Variants in ANKRD61 observed in about 807,000 individuals in gnomAD.
ANKRD61 encodes ankyrin repeat domain 61.
Under a neutral mutation model 8.4 loss-of-function variants are expected in ANKRD61, and 7 were observed. The observed-to-expected ratio is 0.84, with a 90% CI of 0.48 to 1.57. The LOEUF (loss-of-function observed/expected upper bound fraction) is 1.57, where lower values mean the gene tolerates loss of function less well. Among genes scored for constraint, ANKRD61 ranks in the 40% most tolerant of loss-of-function variants. The pLI is 0.00. For synonymous variants in ANKRD61, 198 were observed against 208.0 expected (o/e 0.95, Z 0.41); for missense variants, 516 against 523.4 (o/e 0.99, Z 0.14).
Position 6,033,299 on chromosome 7 carries a change from T to C in ANKRD61, c.314+363T>C, listed in dbSNP as rs1424863227. On this transcript the variant is annotated intron_variant, in intron 2 of 2. Coordinates refer to ENST00000409061, the MANE Select transcript of ANKRD61 (RefSeq NM_001271700.2). This position sits in a 1 kb window ranked among gnomAD's most constrained non-coding sequence, Gnocchi z 4.4. ...TGACAATCATTTCTAAGTGAGGATA[T>C]ACCTGATATAGATTTTTTTTTCAGT... Among the ~76,000 whole-genome samples the C allele has an allele frequency of 6.6e-6, 1 of 152,206 alleles. No homozygotes were observed. Among genetic ancestry groups the C allele is most frequent in the Non-Finnish European group, 1.5e-5 (1 of 68,040 alleles).
rs891477855 is a variant in ANKRD61 at position 6,035,827 on chromosome 7, C to G, written c.698C>G (p.Ser233Cys). 2 of 1,549,312 alleles carry G rather than the reference C, an allele frequency of 1.3e-6. No individual in the cohort carries two copies. The highest frequency in any genetic ancestry group is 2.7e-5 in the African/African-American group (2 of 73,020). ...YGANVNCAVS[S>C]TGNTPLKLAV... is the part of the protein sequence containing the mutation. ...GCAAACGTCAACTGTGCTGTCTCTT[C>G]CACGGGGAACACGCCCCTGAAGCTT... The change falls in exon 3 of 3, where the codon TCC becomes TGC. Residue 233 changes from serine to cysteine, a missense_variant. Physicochemically the swap from Ser to Cys is moderately radical, Grantham distance 112. Coordinates refer to ENST00000409061, the MANE Select transcript of ANKRD61 (RefSeq NM_001271700.2). The surrounding 1 kb of genome is among the most constrained non-coding windows in gnomAD (Gnocchi z 5.5).
At position 6,036,008 on chromosome 7, in the gene ANKRD61, C is replaced by T. The variant is rs1788074242; in HGVS notation, c.879C>T (p.Ile293=). 6.4e-7 allele frequency: 1 copy of T among 1,550,950 alleles called. No individual in the cohort carries two copies. Among genetic ancestry groups the T allele is most frequent in the African/African-American group, 1.4e-5 (1 of 73,006 alleles). ...CATGCTTTGGAGGCAGAGAGGCAAT[C>T]ATCAATCTCCTGCTTGAATTTGAAG... The part of the protein sequence containing the change: ...HEACFGGREA[I]INLLLEFEAN... The change falls in exon 3 of 3, where the codon ATC becomes ATT. Residue 293 remains isoleucine (I), a synonymous_variant. Coordinates refer to ENST00000409061, the MANE Select transcript of ANKRD61 (RefSeq NM_001271700.2). This position sits in a 1 kb window ranked among gnomAD's most constrained non-coding sequence, Gnocchi z 4.6.
chr7:6,035,559 A>G lies in ANKRD61; in HGVS notation c.430A>G (p.Ser144Gly), dbSNP rs1788053578. ...THRILTDIQNSSITCLRILCA... is the reference protein window; with the variant it reads ...THRILTDIQNGSITCLRILCA... ...CAGGATCCTGACAGACATTCAGAAT[A>G]GCAGCATCACATGTCTCCGCATCTT... The change falls in exon 3 of 3, where the codon AGC becomes GGC. Residue 144 changes from serine to glycine, a missense_variant. By Grantham distance (56) the Ser-to-Gly change is moderately conservative (BLOSUM62 0). Transcript: ENST00000409061. This position sits in a 1 kb window ranked among gnomAD's most constrained non-coding sequence, Gnocchi z 5.5. 6.4e-7 allele frequency: 1 copy of G among 1,551,264 alleles called. No homozygotes were observed. Among genetic ancestry groups the G allele is most frequent in the Non-Finnish European group, 8.7e-7 (1 of 1,147,140 alleles).
At position 6,035,837 on chromosome 7, in the gene ANKRD61, C is replaced by T. The variant is rs1335234338; in HGVS notation, c.708C>T (p.Asn236=). 1 of 1,548,748 alleles carries T rather than the reference C, an allele frequency of 6.5e-7. No homozygotes were observed. Among genetic ancestry groups the T allele is most frequent in the Non-Finnish European group, 8.7e-7 (1 of 1,145,516 alleles). The part of the protein sequence containing the change: ...NVNCAVSSTG[N]TPLKLAVCTA... ...ACTGTGCTGTCTCTTCCACGGGGAA[C>T]ACGCCCCTGAAGCTTGCAGTGTGCA... Residue 236 remains asparagine (N), a synonymous_variant, in exon 3 of 3, where the codon AAC becomes AAT. Coordinates refer to ENST00000409061, the MANE Select transcript of ANKRD61 (RefSeq NM_001271700.2). The surrounding 1 kb of genome is among the most constrained non-coding windows in gnomAD (Gnocchi z 5.5).
In ANKRD61 at chr7:6,035,813, C is replaced by T. The variant is rs138987807; in HGVS notation, c.684C>T (p.Asn228=). Residue 228 remains asparagine, a synonymous_variant, in exon 3 of 3, where the codon AAC becomes AAT. Coordinates refer to ENST00000409061, the MANE Select transcript of ANKRD61 (RefSeq NM_001271700.2). The surrounding 1 kb of genome is among the most constrained non-coding windows in gnomAD (Gnocchi z 5.5). ...ETLIAYGANV[N]CAVSSTGNTP... ...TCATTGCCTATGGAGCAAACGTCAA[C>T]TGTGCTGTCTCTTCCACGGGGAACA... The T allele has an allele frequency of 3.0e-3, 4,682 of 1,550,174 alleles. 21 individuals are homozygous for T. The highest frequency in any genetic ancestry group is 3.5e-3 in the Non-Finnish European group (3,978 of 1,146,350).
intron 2 of ANKRD61, among the ~76,000 whole-genome samples, chr7:6,034,850 G>C (rs1414492338): frequency 6.6e-6 from 1 of 152,170 alleles, no homozygotes; most frequent in Non-Finnish European, 1.5e-5. Flanking sequence ...ACTTCGGAAT[G>C]ACCACAGGTC....
Position 6,035,299 on chromosome 7 carries a change from C to T in ANKRD61, c.315-145C>T, listed in dbSNP as rs1476574431. 4 of 821,550 alleles carry T rather than the reference C, an allele frequency of 4.9e-6. No homozygotes were observed. The African/African-American group carries it at 5.2e-5, about 11-fold the overall frequency. 50.9% of individuals were successfully genotyped at this position (821,550 alleles called of 1,614,324 possible). On this transcript the variant is annotated intron_variant, in intron 2 of 2. Transcript: ENST00000409061. This position sits in a 1 kb window ranked among gnomAD's most constrained non-coding sequence, Gnocchi z 5.5. ...ACCCTGGGATAGCCTGAGAAACTAC[C>T]CAGCGATACAGATTTTGAAACACGT...
Position 6,032,447 on chromosome 7 carries a change from A to G in ANKRD61, c.217-392A>G, listed in dbSNP as rs1380050726. On this transcript the variant is annotated intron_variant, in intron 1 of 2. Coordinates refer to ENST00000409061, the MANE Select transcript of ANKRD61 (RefSeq NM_001271700.2). The surrounding 1 kb of genome is among the most constrained non-coding windows in gnomAD (Gnocchi z 4.3). Reference sequence around the variant, plus strand: ...GAAGATTCAGGTTTTACTGCTGATAATACGACTTTGGCAACGACACAGCAC... The same window carrying G: ...GAAGATTCAGGTTTTACTGCTGATAGTACGACTTTGGCAACGACACAGCAC... Among the ~76,000 whole-genome samples the G allele has an allele frequency of 1.3e-5, 2 of 152,240 alleles. No individual in the cohort carries two copies.
rs1787959711 is a variant in ANKRD61, at chr7:6,032,948, C to G, written c.314+12C>G. 1 of 1,543,474 alleles carries G rather than the reference C, an allele frequency of 6.5e-7. No homozygotes were observed. The highest frequency in any genetic ancestry group is 8.8e-7 in the Non-Finnish European group (1 of 1,141,042). ...GACCCAGAAGTCAGGTAAGTTAACT[C>G]CACCGAAAATCATTTCTTTTTTTTT... On this transcript the variant is annotated intron_variant, in intron 2 of 2. Coordinates refer to ENST00000409061, the MANE Select transcript of ANKRD61 (RefSeq NM_001271700.2). This position sits in a 1 kb window ranked among gnomAD's most constrained non-coding sequence, Gnocchi z 4.3.
At chr7:6,031,623 A>G in intron 1 of ANKRD61, 32 bp downstream of exon 1, 1 of 1,546,314 alleles carries the variant, frequency 6.5e-7, no homozygotes, top group South Asian at 1.2e-5. Flanking sequence ...CACTTCTGGA[A>G]AAAAGTCAGG....
Position 6,035,645 on chromosome 7 carries a change from C to A in ANKRD61, c.516C>A (p.Leu172=). The change falls in exon 3 of 3, where the codon CTC becomes CTA. Residue 172 remains leucine (L), a synonymous_variant. Coordinates refer to ENST00000409061, the MANE Select transcript of ANKRD61 (RefSeq NM_001271700.2). The surrounding 1 kb of genome is among the most constrained non-coding windows in gnomAD (Gnocchi z 5.5). The stretch of plus-strand genomic sequence containing the variant: ...AAATCAGCAACAAACGTTCACCACT[C>A]CACCTGGCCATAGCATATGGTTGCT... ...QGEISNKRSP[L]HLAIAYGCYP... is the part of the protein sequence containing the mutation. 6.4e-7 allele frequency: 1 copy of A among 1,550,750 alleles called. No homozygotes were observed. The highest frequency in any genetic ancestry group is 1.2e-5 in the South Asian group (1 of 84,064).
At position 6,035,329 on chromosome 7, in the gene ANKRD61, A is replaced by T; in HGVS notation, c.315-115A>T. The stretch of plus-strand genomic sequence containing the variant: ...GATACAGATTTTGAAACACGTCCTT[A>T]AGGTAATTGAAGGGTCTTACTTTAA... On this transcript the variant is annotated intron_variant, in intron 2 of 2. Coordinates refer to ENST00000409061, the MANE Select transcript of ANKRD61 (RefSeq NM_001271700.2). This position sits in a 1 kb window ranked among gnomAD's most constrained non-coding sequence, Gnocchi z 5.5. 9.8e-7 allele frequency: 1 copy of T among 1,020,698 alleles called. No individual in the cohort carries two copies. The highest frequency in any genetic ancestry group is 1.4e-6 in the Non-Finnish European group (1 of 709,972). The allele number at this position is 1,020,698 out of a possible 1,614,324, so 63.2% of individuals were successfully genotyped here.
At position 6,033,367 on chromosome 7, in the gene ANKRD61, T is replaced by C. The variant is rs1787972745; in HGVS notation, c.314+431T>C. Among the ~76,000 whole-genome samples, 1 of 152,202 alleles carries C rather than the reference T, an allele frequency of 6.6e-6. No individual in the cohort carries two copies. The highest frequency in any genetic ancestry group is 6.5e-5 in the Admixed American group (1 of 15,276). On this transcript the variant is annotated intron_variant, in intron 2 of 2. Coordinates refer to ENST00000409061, the MANE Select transcript of ANKRD61 (RefSeq NM_001271700.2). The surrounding 1 kb of genome is among the most constrained non-coding windows in gnomAD (Gnocchi z 4.4). ...TTATGTTTGGACTTGTTCGTTCTTA[T>C]GAATGAACCAATGTCTTTACTGAGT...
chr7:6,035,432 T>C lies in ANKRD61; in HGVS notation c.315-12T>C, dbSNP rs1334667318. 1.9e-6 allele frequency: 3 copies of C among 1,545,592 alleles called. No homozygotes were observed. Among genetic ancestry groups the C allele is most frequent in the Non-Finnish European group, 2.6e-6 (3 of 1,143,244 alleles). The stretch of plus-strand genomic sequence containing the variant: ...TGAATTCAGTGTAACGTGTAATCAA[T>C]ACCCATTCTAGGGACACGACAGGCC... On this transcript the variant is annotated splice_polypyrimidine_tract_variant and intron_variant, in intron 2 of 2. Coordinates refer to ENST00000409061, the MANE Select transcript of ANKRD61 (RefSeq NM_001271700.2). The surrounding 1 kb of genome is among the most constrained non-coding windows in gnomAD (Gnocchi z 5.5).
rs958258141 is a variant in ANKRD61, at chr7:6,032,010, C to T, written c.216+419C>T. Among the ~76,000 whole-genome samples the T allele has an allele frequency of 3.9e-5, 6 of 152,094 alleles. No individual in the cohort carries two copies. The highest frequency in any genetic ancestry group is 9.7e-5 in the African/African-American group (4 of 41,412). On this transcript the variant is annotated intron_variant, in intron 1 of 2. Coordinates refer to ENST00000409061, the MANE Select transcript of ANKRD61 (RefSeq NM_001271700.2). This position sits in a 1 kb window ranked among gnomAD's most constrained non-coding sequence, Gnocchi z 4.3. ...CCAGCAGGGCAAAACCCCGTCTCTA[C>T]TAAAAATACAAAAATTAGCCGGGCT...
Position 6,036,269 on chromosome 7 carries a change from C to T in ANKRD61, c.1140C>T (p.Cys380=). Residue 380 remains cysteine, a synonymous_variant, in exon 3 of 3, where the codon TGC becomes TGT. Coordinates refer to ENST00000409061, the MANE Select transcript of ANKRD61 (RefSeq NM_001271700.2). This position sits in a 1 kb window ranked among gnomAD's most constrained non-coding sequence, Gnocchi z 4.6. ...SQKPLSLQGI[C]KRNIRNIYGE... ...AACCTTTATCCCTACAGGGTATCTGCAAAAGAAACATCAGGAATATTTATG... is the reference window on the plus strand; with the variant it reads ...AACCTTTATCCCTACAGGGTATCTGTAAAAGAAACATCAGGAATATTTATG... 1 of 1,549,834 alleles carries T rather than the reference C, an allele frequency of 6.5e-7. No homozygotes were observed. Among genetic ancestry groups the T allele is most frequent in the South Asian group, 1.2e-5 (1 of 83,996 alleles).
chr7:6,032,718 GA>G lies in ANKRD61; in HGVS notation c.217-116del. The G allele has an allele frequency of 4.1e-6, 3 of 737,276 alleles. No homozygotes were observed. The highest frequency in any genetic ancestry group is 2.9e-5 in the East Asian group (1 of 34,184). The allele number at this position is 737,276 out of a possible 1,614,324, so 45.7% of individuals were successfully genotyped here. A position where few individuals can be genotyped will look rare whatever the true frequency, so the allele number is the denominator to read the frequency against. ...AAGGAAACTTTCAATGCACATACCAGAAAAAGAGTGAGCCAATGAGACACTA... is the reference window on the plus strand; with the variant it reads ...AAGGAAACTTTCAATGCACATACCAGAAAAGAGTGAGCCAATGAGACACTA... On this transcript the variant is annotated intron_variant, in intron 1 of 2. Coordinates refer to ENST00000409061, the MANE Select transcript of ANKRD61 (RefSeq NM_001271700.2). The surrounding 1 kb of genome is among the most constrained non-coding windows in gnomAD (Gnocchi z 4.3).
chr7:6,034,028 GTAGTA>G (rs1372706333), intron 2 of ANKRD61, among the ~76,000 whole-genome samples: 1 of 151,422 alleles, frequency 6.6e-6, no homozygotes, highest in Non-Finnish European at 1.5e-5. Flanking sequence ...AAAGAATTAA[GTAGTA>G]TAGGCCGGGC....
chr7:6,034,232 G>T (rs534949835), intron 2 of ANKRD61, among the ~76,000 whole-genome samples: 1 of 151,898 alleles, frequency 6.6e-6, no homozygotes, highest in South Asian at 2.1e-4. Context: ...GCTTGAACCC[G>T]TGAGGCAGCA....
Sources: allele counts gnomAD v4.1 joint callset (sites outside exome capture counted in the v4.1 genomes callset), GRCh38; gene constraint gnomAD v4.1.1; non-coding constraint Gnocchi (gnomAD v3.1); transcripts MANE v1.5; gene names NCBI Gene and HGNC (gene_info 2026-07-23, HGNC 2026-07-21).